The following SNX29 variants were observed in gnomAD, a reference collection of about 807,000 sequenced individuals.
SNX29 encodes sorting nexin 29.
SNX29 carries 78 observed loss-of-function variants against 102.1 expected under a neutral mutation model. That is an observed-to-expected ratio of 0.76 (90% confidence interval 0.64 to 0.92). The LOEUF (loss-of-function observed/expected upper bound fraction) is 0.92. Ranked by LOEUF, SNX29 falls within the 40% of genes least tolerant of loss-of-function variation. The pLI, the probability that SNX29 is intolerant of heterozygous loss-of-function variation, is 0.00. For missense variants in SNX29, 1,280 were observed against 1,061.7 expected (o/e 1.21, Z -2.86); for synonymous variants, 580 against 414.5 (o/e 1.40, Z -4.85).
At chr16:12,109,837 TCTC>T (rs1427347609) in intron 11 of SNX29, among the ~76,000 whole-genome samples, 1 of 151,998 alleles carries the variant, frequency 6.6e-6, no homozygotes, top group Non-Finnish European at 1.5e-5. Flanking sequence ...TTCAAGCAGT[TCTC>T]CTGCCTCAGC....
intron 20 of SNX29, among the ~76,000 whole-genome samples, chr16:12,559,256 C>G (rs1161353572): frequency 2.0e-5 from 3 of 152,092 alleles, no homozygotes; most frequent in Non-Finnish European, 4.4e-5. Context: ...ACCGCCTGAG[C>G]TCTGCCTGTC....
rs372878049 is a variant in SNX29, at chr16:12,154,379, C to T, written c.1595+24621C>T. On this transcript the variant is annotated intron_variant, in intron 13 of 20. Transcript: ENST00000566228. ...CAGTGGGAGCTGGCTTCCCTCTCCCCTCTGACACCCCTGAGGTGGAAGCAG... is the reference window on the plus strand; with the variant it reads ...CAGTGGGAGCTGGCTTCCCTCTCCCTTCTGACACCCCTGAGGTGGAAGCAG... 5.9e-5 allele frequency among the ~76,000 whole-genome samples: 9 copies of T among 152,336 alleles called. No individual in the cohort carries two copies. In the South Asian group the frequency reaches 1.9e-3, roughly 32 times the overall value.
At chr16:12,464,154 T>C (rs558539962) in intron 18 of SNX29, among the ~76,000 whole-genome samples, 1 of 151,514 alleles carries the variant, frequency 6.6e-6, no homozygotes, top group East Asian at 2.0e-4. Flanking sequence ...TGTAATACGA[T>C]CCCCTCCAGG....
At chr16:12,322,827 C>T (rs1006184754) in intron 15 of SNX29, among the ~76,000 whole-genome samples, 5 of 151,854 alleles carry the variant, frequency 3.3e-5, no homozygotes, top group Admixed American at 6.6e-5. Flanking sequence ...TCACTGATGA[C>T]CACTGTCAGG....
chr16:12,286,046 T>C (rs1436498554), intron 15 of SNX29, among the ~76,000 whole-genome samples: 1 of 152,134 alleles, frequency 6.6e-6, no homozygotes, highest in Admixed American at 6.5e-5. Flanking sequence ...TTTCACCGTA[T>C]TGGCCAGGCT....
At chr16:12,223,878 C>T (rs910991773) in intron 14 of SNX29, among the ~76,000 whole-genome samples, 16 of 152,168 alleles carry the variant, frequency 1.1e-4, no homozygotes, top group African/African-American at 3.4e-4. Context: ...GTGGAATCCA[C>T]GCCACAGTAC....
intron 19 of SNX29, among the ~76,000 whole-genome samples, chr16:12,499,351 C>G (rs1300273301): frequency 1.3e-5 from 2 of 152,232 alleles, no homozygotes; most frequent in African/African-American, 2.4e-5. Context: ...GGCTTCACTG[C>G]TAAGTTCCAG....
intron 11 of SNX29, among the ~76,000 whole-genome samples, chr16:12,113,211 C>T (rs2053565866): frequency 6.6e-6 from 1 of 152,222 alleles, no homozygotes. Context: ...GATGCCTAAT[C>T]TCTTTTCCCC....
chr16:12,358,016 C>A (rs11648255), intron 16 of SNX29, among the ~76,000 whole-genome samples: 70,397 of 151,942 alleles, frequency 0.46, 17,234 homozygotes, highest in Non-Finnish European at 0.57. Flanking sequence ...CAGGAGATGC[C>A]TAATGTTTGC....
intron 19 of SNX29, among the ~76,000 whole-genome samples, chr16:12,505,313 A>C (rs2151904262): frequency 6.6e-6 from 1 of 152,298 alleles, no homozygotes; most frequent in African/African-American, 2.4e-5. Flanking sequence ...GAGACTGGGA[A>C]TTCCAAGATA....
At chr16:12,161,045 C>T (rs986379547) in intron 13 of SNX29, among the ~76,000 whole-genome samples, 11 of 152,198 alleles carry the variant, frequency 7.2e-5, no homozygotes, top group Non-Finnish European at 1.2e-4. Flanking sequence ...AACCCACACC[C>T]GAGTACATTT....
chr16:12,107,344 T>G (rs1474493907), intron 11 of SNX29, among the ~76,000 whole-genome samples: 2 of 144,742 alleles, frequency 1.4e-5, no homozygotes, highest in African/African-American at 4.9e-5. Flanking sequence ...GTGGGTTTTT[T>G]TTTTTTTTTT....
intron 20 of SNX29, among the ~76,000 whole-genome samples, chr16:12,560,219 G>C (rs1418967941): frequency 7.0e-6 from 1 of 143,268 alleles, no homozygotes; most frequent in East Asian, 2.0e-4. Context: ...CAACTACACA[G>C]CCAGAGCTTG....
chr16:12,382,052 C>G (rs2083183570), intron 16 of SNX29, among the ~76,000 whole-genome samples: 1 of 151,986 alleles, frequency 6.6e-6, no homozygotes, highest in African/African-American at 2.4e-5. Context: ...GCTTCCAAAA[C>G]CCAGCCATCT....
chr16:11,982,878 G>C (rs575076253), intron 1 of SNX29, among the ~76,000 whole-genome samples: 1 of 152,086 alleles, frequency 6.6e-6, no homozygotes, highest in Non-Finnish European at 1.5e-5. Context: ...GCTGTTTCTT[G>C]CCTGACGTTA....
chr16:12,470,405 A>G (rs1395256931), intron 18 of SNX29, among the ~76,000 whole-genome samples: 6 of 152,190 alleles, frequency 3.9e-5, no homozygotes, highest in African/African-American at 1.4e-4. Flanking sequence ...TGTAACATCC[A>G]TCAAGTATCT....
Position 12,572,471 on chromosome 16 carries a change from A to G in SNX29, c.*3842A>G. 4 of 1,063,748 alleles carry G rather than the reference A, an allele frequency of 3.8e-6. No homozygotes were observed. Among genetic ancestry groups the G allele is most frequent in the Non-Finnish European group, 4.6e-6 (4 of 878,310 alleles). The allele number at this position is 1,063,748 out of a possible 1,614,324, so 65.9% of individuals were successfully genotyped here. A position where few individuals can be genotyped will look rare whatever the true frequency, so the allele number is the denominator to read the frequency against. ...TGCATGGTACATTTTGCCAACCCTG[A>G]GGACCAGTTCTTGGGGTTCCAGGCC... On this transcript the variant is annotated 3_prime_UTR_variant, in exon 21 of 21. Coordinates refer to ENST00000566228, the MANE Select transcript of SNX29 (RefSeq NM_032167.5).
chr16:12,567,612 T>TAC (rs1392372918), intron 20 of SNX29, among the ~76,000 whole-genome samples: 27 of 152,080 alleles, frequency 1.8e-4, no homozygotes, highest in African/African-American at 6.3e-4. Flanking sequence ...TACAAAAAAT[T>TAC]ACACTCAGGT....
chr16:12,402,562 G>C (rs1045070143), intron 17 of SNX29, among the ~76,000 whole-genome samples: 9 of 152,238 alleles, frequency 5.9e-5, no homozygotes, highest in Non-Finnish European at 1.2e-4. Flanking sequence ...TATTCGCTCT[G>C]TGTAATTTGG....
Sources: gnomAD v4.1 joint callset for allele counts (sites outside exome capture counted in the v4.1 genomes callset) on GRCh38, gnomAD v4.1.1 for gene constraint, MANE v1.5 for transcripts, NCBI Gene and HGNC (gene_info 2026-07-23, HGNC 2026-07-21) for gene names.